Variants in TGFBR3 observed in about 807,000 individuals in gnomAD.
TGFBR3 encodes transforming growth factor beta receptor type 3.
TGFBR3 carries 46 observed loss-of-function variants against 87.9 expected under a neutral mutation model. The observed-to-expected ratio is 0.52, with a 90% CI of 0.41 to 0.67. The LOEUF (loss-of-function observed/expected upper bound fraction) is 0.67, where lower values mean the gene tolerates loss of function less well. TGFBR3 is among the 30% of genes least tolerant of loss of function. The probability of loss-of-function intolerance (pLI) is 0.00; values close to 1 mark genes in which losing one functional copy is unlikely to be tolerated. For synonymous variants in TGFBR3, 381 were observed against 391.6 expected (o/e 0.97, Z 0.32); for missense variants, 866 against 1,041.9 (o/e 0.83, Z 2.32).
chr1:91,894,361 T>C (rs1174320630), intron 2 of TGFBR3, among the ~76,000 whole-genome samples: 1 of 152,170 alleles, frequency 6.6e-6, no homozygotes, highest in Non-Finnish European at 1.5e-5. Flanking sequence ...CTAGAATATT[T>C]CTTGTCTTTA....
At chr1:91,800,412 G>C (rs769044586) in intron 2 of TGFBR3, among the ~76,000 whole-genome samples, 6 of 150,694 alleles carry the variant, frequency 4.0e-5, no homozygotes, top group African/African-American at 4.9e-5. Context: ...GGGAGGCAAA[G>C]GTGGGAGAAT....
chr1:91,864,102 T>C (rs1370796381), intron 1 of TGFBR3: 1 of 152,188 alleles, frequency 6.6e-6, no homozygotes, highest in Non-Finnish European at 1.5e-5. Flanking sequence ...AGCAAATCCC[T>C]GTAAGGAGAT....
At position 91,761,387 on chromosome 1, in the gene TGFBR3, T is replaced by C. The variant is rs527840833; in HGVS notation, c.247-2637A>G. Among the ~76,000 whole-genome samples the C allele has an allele frequency of 2.0e-4, 30 of 152,218 alleles. No individual in the cohort carries two copies. The East Asian group carries it at 2.7e-3, about 14-fold the overall frequency. On this transcript the variant is annotated intron_variant, in intron 3 of 16. Transcript: ENST00000212355. ...TTCCTGGAAACAGCTCCCTCTTCAA[T>C]ATGTGGCAGTGTCTGGCCAAGATGA...
chr1:91,884,302 G>C (rs1400421775), intron 1 of TGFBR3, among the ~76,000 whole-genome samples: 1 of 149,798 alleles, frequency 6.7e-6, no homozygotes, highest in East Asian at 1.9e-4. Context: ...CCTGGGGACA[G>C]AGCGAGACTC....
At chr1:91,886,420 G>A, upstream of TGFBR3, 1 of 327,758 alleles carries the variant, frequency 3.1e-6, no homozygotes, top group Non-Finnish European at 6.0e-6. Context: ...AGAGAGAAGG[G>A]GCTAGGGGCG....
At chr1:91,869,288 T>C (rs2634018) in intron 1 of TGFBR3, among the ~76,000 whole-genome samples, 10,616 of 152,226 alleles carry the variant, frequency 0.07, 950 homozygotes, top group East Asian at 0.4. Flanking sequence ...GATCACAGTC[T>C]ACCTACACTT....
At chr1:91,844,756 T>C (rs925628863) in intron 2 of TGFBR3, among the ~76,000 whole-genome samples, 2 of 152,230 alleles carry the variant, frequency 1.3e-5, no homozygotes, top group African/African-American at 4.8e-5. Context: ...GGTCTTGTTA[T>C]ACAGAATTAC....
At chr1:91,862,204 C>T (rs1036740524) in intron 1 of TGFBR3, among the ~76,000 whole-genome samples, 1 of 152,108 alleles carries the variant, frequency 6.6e-6, no homozygotes, top group Non-Finnish European at 1.5e-5. Context: ...TTCAGAACTA[C>T]AGAAGAAAAT....
chr1:91,759,397 A>C (rs1673874707), intron 3 of TGFBR3, among the ~76,000 whole-genome samples: 1 of 151,832 alleles, frequency 6.6e-6, no homozygotes, highest in African/African-American at 2.4e-5. Flanking sequence ...AAAAAAAAAA[A>C]AAAAAAAACA....
At chr1:91,717,962 T>G (rs184240339) in intron 10 of TGFBR3, among the ~76,000 whole-genome samples, 44 of 152,080 alleles carry the variant, frequency 2.9e-4, no homozygotes, top group African/African-American at 9.2e-4. Context: ...AATGCCATAA[T>G]CAAGTATTTC....
At chr1:91,845,357 C>A (rs1036170256) in intron 2 of TGFBR3, among the ~76,000 whole-genome samples, 2 of 152,210 alleles carry the variant, frequency 1.3e-5, no homozygotes, top group African/African-American at 4.8e-5. Context: ...GGCTCAGGAA[C>A]TGGAAGATTA....
intron 4 of TGFBR3, among the ~76,000 whole-genome samples, chr1:91,738,501 G>T (rs1673041680): frequency 6.6e-6 from 1 of 152,086 alleles, no homozygotes; most frequent in Non-Finnish European, 1.5e-5. Flanking sequence ...AAAGTGTGTG[G>T]CACCTCCCCC....
intron 7 of TGFBR3, among the ~76,000 whole-genome samples, chr1:91,725,003 T>C (rs1045028306): frequency 2.6e-5 from 4 of 152,188 alleles, no homozygotes; most frequent in Admixed American, 6.5e-5. Context: ...CATGAAATAA[T>C]ATAAGAGGAA....
intron 2 of TGFBR3, among the ~76,000 whole-genome samples, chr1:91,820,901 ACT>A (rs1200020090): frequency 6.6e-6 from 1 of 152,220 alleles, no homozygotes; most frequent in African/African-American, 2.4e-5. Context: ...TAAATGGATA[ACT>A]CTAACTATAA....
intron 2 of TGFBR3, among the ~76,000 whole-genome samples, chr1:91,837,672 A>G (rs1013979656): frequency 6.6e-6 from 1 of 152,230 alleles, no homozygotes; most frequent in Non-Finnish European, 1.5e-5. Flanking sequence ...GTTTACACAT[A>G]TACATTAGAG....
At chr1:91,699,431 CTTTTTTTTTTTT>C (rs60223260) in intron 14 of TGFBR3, among the ~76,000 whole-genome samples, 1 of 80,846 alleles carries the variant, frequency 1.2e-5, no homozygotes, top group Non-Finnish European at 2.1e-5. Context: ...CTTTCTTTTG[CTTTTTTTTTTTT>C]TTTTTTTTTT....
At chr1:91,764,986 T>C (rs1030334455) in intron 3 of TGFBR3, among the ~76,000 whole-genome samples, 2 of 152,314 alleles carry the variant, frequency 1.3e-5, no homozygotes, top group Non-Finnish European at 1.5e-5. Context: ...CTGCCCAGGA[T>C]GGCTTTGAAT....
intron 2 of TGFBR3, among the ~76,000 whole-genome samples, chr1:91,802,908 G>C (rs967738514): frequency 6.6e-6 from 1 of 151,886 alleles, no homozygotes; most frequent in African/African-American, 2.4e-5. Flanking sequence ...TCTCTCTCTG[G>C]CCACTCAACT....
At chr1:91,863,454 T>G (rs936766386) in intron 1 of TGFBR3, among the ~76,000 whole-genome samples, 9 of 152,216 alleles carry the variant, frequency 5.9e-5, no homozygotes, top group African/African-American at 1.9e-4. Flanking sequence ...GTTGTGAGGA[T>G]TCAGTTAGTT....
Sources: gnomAD v4.1 joint callset for allele counts (sites outside exome capture counted in the v4.1 genomes callset) on GRCh38, gnomAD v4.1.1 for gene constraint, MANE v1.5 for transcripts, NCBI Gene and HGNC (gene_info 2026-07-23, HGNC 2026-07-21) for gene names.